Variants in OSBPL11 observed in about 807,000 individuals in gnomAD.
OSBPL11 encodes the protein oxysterol binding protein like 11, also known as oxysterol-binding protein-related protein 11.
In OSBPL11, 33 loss-of-function variants were observed where a neutral mutation model predicts 84.4. The ratio of observed to expected loss-of-function variants is 0.39; its 90% confidence interval spans 0.30 to 0.52. The LOEUF (loss-of-function observed/expected upper bound fraction) is 0.52, where lower values mean the gene tolerates loss of function less well. OSBPL11 is among the 20% of genes least tolerant of loss of function. The pLI, the probability that OSBPL11 is intolerant of heterozygous loss-of-function variation, is 0.72. For missense variants in OSBPL11, 736 were observed against 901.1 expected, an observed-to-expected ratio of 0.82 and a Z score of 2.35; for synonymous variants, 276 against 310.2, an observed-to-expected ratio of 0.89 and a Z score of 1.16.
chr3:125,533,385 C>T (rs1413859321), intron 11 of OSBPL11, among the ~76,000 whole-genome samples: 1 of 151,978 alleles, frequency 6.6e-6, no homozygotes, highest in Admixed American at 6.6e-5. Context: ...CCACCATGCC[C>T]GGCTAATTTT....
In OSBPL11 at chr3:125,563,830, C is replaced by T; in HGVS notation, c.882G>A (p.Glu294=). The T allele has an allele frequency of 1.2e-6, 2 of 1,613,820 alleles. No individual in the cohort carries two copies. Among genetic ancestry groups the T allele is most frequent in the East Asian group, 2.2e-5 (1 of 44,880 alleles). Residue 294 remains glutamate (E), a synonymous_variant, in exon 7 of 13, where the codon GAG becomes GAA. Transcript: ENST00000296220. ...ATAAAGATATCTTTGGTTCTAACCACTCGATTGTCGTTCCTGATGGAGTAA... is the reference window on the plus strand; with the variant it reads ...ATAAAGATATCTTTGGTTCTAACCATTCGATTGTCGTTCCTGATGGAGTAA... ...KGSLPSGTTI[E]WLEPKISLSN... is the part of the protein sequence containing the mutation.
intron 7 of OSBPL11, among the ~76,000 whole-genome samples, chr3:125,561,749 T>C (rs1244976698): frequency 1.3e-5 from 2 of 152,240 alleles, no homozygotes; most frequent in East Asian, 1.9e-4. Context: ...GGAAGCTTCA[T>C]TCCACAGAGT....
At chr3:125,573,146 G>A (rs1936268316) in intron 5 of OSBPL11, among the ~76,000 whole-genome samples, 2 of 151,528 alleles carry the variant, frequency 1.3e-5, no homozygotes, top group African/African-American at 4.8e-5. Context: ...CAAAGAAATG[G>A]AAAAGTGATT....
intron 7 of OSBPL11, among the ~76,000 whole-genome samples, chr3:125,560,880 G>T (rs1215034390): frequency 1.3e-5 from 2 of 151,922 alleles, no homozygotes; most frequent in Non-Finnish European, 2.9e-5. Context: ...TGTATTTTTA[G>T]TAGAGATGGA....
chr3:125,559,310 T>G (rs994895528), intron 8 of OSBPL11, among the ~76,000 whole-genome samples: 4 of 152,212 alleles, frequency 2.6e-5, no homozygotes, highest in Non-Finnish European at 5.9e-5. Flanking sequence ...AGTATACCAA[T>G]GGACTCTTTA....
intron 8 of OSBPL11, 58 bp from the exon 9 acceptor site, chr3:125,552,737 A>T (rs1935931759): frequency 2.6e-6 from 4 of 1,516,962 alleles, no homozygotes; most frequent in Non-Finnish European, 8.9e-7. Flanking sequence ...ATATCTGTAG[A>T]CAACTATTCT....
Position 125,595,366 on chromosome 3 carries a change from CG to C in OSBPL11, c.-567del, listed in dbSNP as rs966016226. The stretch of plus-strand genomic sequence containing the variant: ...CCGCCGGGGGCGGGACGCCGGCTCC[CG>C]GGGCCGCCTCTCCCAGGGCCAGAGG... On this transcript the variant is annotated 5_prime_UTR_variant, in exon 1 of 13. Coordinates refer to ENST00000296220, the MANE Select transcript of OSBPL11 (RefSeq NM_022776.5). Among the ~76,000 whole-genome samples the C allele has an allele frequency of 1.4e-4, 22 of 152,234 alleles. No individual in the cohort carries two copies. Among genetic ancestry groups the C allele is most frequent in the African/African-American group, 5.3e-4 (22 of 41,562 alleles).
At chr3:125,569,566 T>C (rs537696737) in intron 5 of OSBPL11, among the ~76,000 whole-genome samples, 47 of 152,286 alleles carry the variant, frequency 3.1e-4, no homozygotes, top group South Asian at 6.2e-4. Context: ...CACTCTGAAA[T>C]ACAGTGTGGC....
rs1033103165 is a variant in OSBPL11 at position 125,530,318 on chromosome 3, TG to T, written c.*196del. On this transcript the variant is annotated 3_prime_UTR_variant, in exon 13 of 13. Coordinates refer to ENST00000296220, the MANE Select transcript of OSBPL11 (RefSeq NM_022776.5). ...TATTGCTCACATCACATGAACAGGT[TG>T]GTAAAAGGTCCACTGTGTTTCTTTA... The T allele has an allele frequency of 1.7e-6, 1 of 596,826 alleles. No homozygotes were observed. Among genetic ancestry groups the T allele is most frequent in the African/African-American group, 1.9e-5 (1 of 53,834 alleles). 37.0% of individuals were successfully genotyped at this position (596,826 alleles called of 1,614,324 possible).
intron 2 of OSBPL11, among the ~76,000 whole-genome samples, chr3:125,582,036 TA>T (rs1350547301): frequency 1.3e-5 from 2 of 152,056 alleles, no homozygotes; most frequent in Non-Finnish European, 2.9e-5. Flanking sequence ...TTTAAACTTT[TA>T]AAATTCATGT....
intron 9 of OSBPL11, among the ~76,000 whole-genome samples, chr3:125,548,159 G>A (rs142784126): frequency 0.013 from 1,981 of 152,254 alleles, 25 homozygotes; most frequent in Non-Finnish European, 0.022. Context: ...GATTACAGGC[G>A]TGAGCCACTG....
At chr3:125,533,519 T>A (rs1271406174) in intron 11 of OSBPL11, among the ~76,000 whole-genome samples, 1 of 152,046 alleles carries the variant, frequency 6.6e-6, no homozygotes, top group Non-Finnish European at 1.5e-5. Flanking sequence ...GTCTTATAAT[T>A]TAAAGAATTA....
At chr3:125,556,187 C>T (rs778882695) in intron 8 of OSBPL11, among the ~76,000 whole-genome samples, 2 of 152,162 alleles carry the variant, frequency 1.3e-5, no homozygotes, top group South Asian at 2.1e-4. Flanking sequence ...AAATACTGGT[C>T]CAGATTAGAG....
At chr3:125,532,432 T>C (rs1208443633) in intron 11 of OSBPL11, among the ~76,000 whole-genome samples, 2 of 151,870 alleles carry the variant, frequency 1.3e-5, no homozygotes, top group African/African-American at 4.8e-5. Flanking sequence ...ACAATAGTGG[T>C]TTTCAGATAC....
chr3:125,568,393 T>G (rs534666837), intron 5 of OSBPL11, among the ~76,000 whole-genome samples: 9 of 148,968 alleles, frequency 6.0e-5, no homozygotes, highest in African/African-American at 2.2e-4. Context: ...ATCGCGCCAC[T>G]GCATTCCAGC....
At chr3:125,575,900 T>A (rs978883909) in intron 5 of OSBPL11, among the ~76,000 whole-genome samples, 4 of 151,500 alleles carry the variant, frequency 2.6e-5, no homozygotes, top group African/African-American at 9.7e-5. Context: ...CTAGGCTTAA[T>A]TACCCTTTTG....
At chr3:125,559,723 G>A (rs942401935) in intron 8 of OSBPL11, among the ~76,000 whole-genome samples, 10 of 152,014 alleles carry the variant, frequency 6.6e-5, no homozygotes, top group Admixed American at 2.0e-4. Context: ...AGCCTCCTGA[G>A]TTGGGGTTTC....
intron 10 of OSBPL11, among the ~76,000 whole-genome samples, chr3:125,543,124 A>ATTTTTTTTT (rs60571172): frequency 1.0e-5 from 1 of 99,288 alleles, no homozygotes; most frequent in Non-Finnish European, 1.9e-5. Flanking sequence ...GGCTAGTAAG[A>ATTTTTTTTT]TTTTTTTTTT....
At chr3:125,579,511 T>A (rs1004223508) in intron 3 of OSBPL11, among the ~76,000 whole-genome samples, 1 of 152,168 alleles carries the variant, frequency 6.6e-6, no homozygotes, top group Non-Finnish European at 1.5e-5. Flanking sequence ...ATAATGTACA[T>A]TAGTTACTGA....
Sources: allele counts gnomAD v4.1 joint callset (sites outside exome capture counted in the v4.1 genomes callset), GRCh38; gene constraint gnomAD v4.1.1; transcripts MANE v1.5; gene names NCBI Gene and HGNC (gene_info 2026-07-23, HGNC 2026-07-21).